HTATIP2: variants seen among roughly 807,000 people sequenced by gnomAD.
HTATIP2 encodes the protein protein HTATIP2.
HTATIP2 carries 26 observed loss-of-function variants against 24.7 expected under a neutral mutation model. That is an observed-to-expected ratio of 1.05 (90% confidence interval 0.77 to 1.46). The LOEUF (loss-of-function observed/expected upper bound fraction) is 1.46. Ranked by LOEUF, HTATIP2 falls within the 40% of genes most tolerant of loss-of-function variation. HTATIP2 has a pLI of 0.00. For missense variants in HTATIP2, 284 were observed against 289.6 expected (o/e 0.98, Z 0.14); for synonymous variants, 99 against 113.2 (o/e 0.87, Z 0.79).
chr11:20,380,438 C>G lies in HTATIP2; in HGVS notation c.442-1740C>G, dbSNP rs914857638. Among the ~76,000 whole-genome samples, 3 of 151,868 alleles carry G rather than the reference C, an allele frequency of 2.0e-5. No homozygotes were observed. In the East Asian group the frequency reaches 5.8e-4, roughly 29 times the overall value. On this transcript the variant is annotated intron_variant, in intron 3 of 4. Transcript: ENST00000451739. ...CTGTAATCCCAGCGCTTTGGGAGGC[C>G]GAGGCGGGCGGATCACGAGGTCAGG...
intron 1 of HTATIP2, 64 bp downstream of exon 1, chr11:20,364,496 C>A: frequency 7.1e-7 from 1 of 1,400,452 alleles, no homozygotes; most frequent in Non-Finnish European, 9.8e-7. Context: ...ATATTTCATG[C>A]CTAAAGGCTG....
At chr11:20,367,314 C>T in intron 2 of HTATIP2, 33 bp downstream of exon 2, 1 of 1,613,460 alleles carries the variant, frequency 6.2e-7, no homozygotes, top group Admixed American at 1.7e-5. Flanking sequence ...TCCCTTTTTG[C>T]TGGCCAGTAA....
Position 20,363,842 on chromosome 11 carries a change from G to A in HTATIP2, c.-396G>A. 1.6e-6 allele frequency: 2 copies of A among 1,245,122 alleles called. No individual in the cohort carries two copies. Among genetic ancestry groups the A allele is most frequent in the African/African-American group, 1.5e-5 (1 of 64,554 alleles). 77.1% of individuals were successfully genotyped at this position (1,245,122 alleles called of 1,614,324 possible). A position where few individuals can be genotyped will look rare whatever the true frequency, so the allele number is the denominator to read the frequency against. On this transcript the variant is annotated 5_prime_UTR_variant, in exon 1 of 5. Transcript: ENST00000451739. ...CGGGCCTGCGGCGCTGAGCGCGGCG[G>A]CGGCGGCTGCTCTGGCGGCCGCCCT...
chr11:20,371,608 T>A (rs2064773089), intron 2 of HTATIP2, among the ~76,000 whole-genome samples: 2 of 151,398 alleles, frequency 1.3e-5, no homozygotes, highest in Admixed American at 6.6e-5. Flanking sequence ...ATTTTTGTAT[T>A]TTTTTTTGTA....
rs2064726581 is a variant in HTATIP2 at position 20,367,742 on chromosome 11, G to A, written c.303+461G>A. 1.2e-5 allele frequency: 10 copies of A among 858,542 alleles called. No homozygotes were observed. The South Asian group carries it at 1.3e-4, about 11-fold the overall frequency. The allele number at this position is 858,542 out of a possible 1,614,324, so 53.2% of individuals were successfully genotyped here. ...GAATAGAACATCAGAACACAGGCAC[G>A]ATTCAACCAGCCTCCAGCGATGACT... On this transcript the variant is annotated intron_variant, in intron 2 of 4. Transcript: ENST00000451739.
At chr11:20,382,544 CA>C (rs1485878179) in intron 4 of HTATIP2, among the ~76,000 whole-genome samples, 2 of 152,146 alleles carry the variant, frequency 1.3e-5, no homozygotes, top group Admixed American at 1.3e-4. Flanking sequence ...AACAGAATAC[CA>C]CACAGATTGG....
intron 2 of HTATIP2, among the ~76,000 whole-genome samples, chr11:20,371,186 G>A (rs1362134166): frequency 1.5e-5 from 2 of 131,220 alleles, no homozygotes; most frequent in African/African-American, 5.7e-5. Flanking sequence ...GGAAAAGTTT[G>A]CCCACCCTTG....
At chr11:20,369,429 G>A (rs1339417806) in intron 2 of HTATIP2, among the ~76,000 whole-genome samples, 2 of 152,202 alleles carry the variant, frequency 1.3e-5, no homozygotes, top group Non-Finnish European at 2.9e-5. Context: ...CTCTGTGTAG[G>A]TGGCTTATTT....
At chr11:20,374,620 C>G (rs1021080879) in intron 2 of HTATIP2, among the ~76,000 whole-genome samples, 5 of 152,138 alleles carry the variant, frequency 3.3e-5, no homozygotes, top group Admixed American at 2.0e-4. Flanking sequence ...CTTTTAAGGG[C>G]CCTTGTGATT....
Position 20,383,391 on chromosome 11 carries a change from T to C in HTATIP2, c.*186T>C, listed in dbSNP as rs548044158. 6 of 546,914 alleles carry C rather than the reference T, an allele frequency of 1.1e-5. No homozygotes were observed. Among genetic ancestry groups the C allele is most frequent in the East Asian group, 3.0e-5 (1 of 33,134 alleles). 33.9% of individuals were successfully genotyped at this position (546,914 alleles called of 1,614,324 possible). On this transcript the variant is annotated 3_prime_UTR_variant, in exon 5 of 5. Coordinates refer to ENST00000451739, the MANE Select transcript of HTATIP2 (RefSeq NM_001098522.2). ...GAGCCTGGTTATACATATAGATCAC[T>C]CAGGGAGCTTTGGAAAAATAAAGAT...
In HTATIP2 at chr11:20,364,101, AG is replaced by A; in HGVS notation, c.-136del. 1 of 1,424,564 alleles carries A rather than the reference AG, an allele frequency of 7.0e-7. No homozygotes were observed. Among genetic ancestry groups the A allele is most frequent in the Admixed American group, 2.7e-5 (1 of 37,610 alleles). The allele number at this position is 1,424,564 out of a possible 1,614,324, so 88.2% of individuals were successfully genotyped here. On this transcript the variant is annotated 5_prime_UTR_variant, in exon 1 of 5. An upstream open reading frame in the 5' UTR loses its in-frame stop. Transcript: ENST00000451739. ...GGGAGCCGCGCCCCGCACGTGACTC[AG>A]CACTTTCCCCAGAGCCCGGACTGCG...
At chr11:20,365,063 A>G (rs952796740) in intron 1 of HTATIP2, among the ~76,000 whole-genome samples, 3 of 149,000 alleles carry the variant, frequency 2.0e-5, no homozygotes, top group African/African-American at 7.5e-5. Flanking sequence ...GGCTCAGTGC[A>G]ACCTCTGCCT....
intron 1 of HTATIP2, among the ~76,000 whole-genome samples, chr11:20,366,737 A>T (rs1293921582): frequency 1.3e-5 from 2 of 152,152 alleles, no homozygotes; most frequent in African/African-American, 4.8e-5. Flanking sequence ...AGCTGAAAAA[A>T]AAAAGCTGTA....
rs867495852 is a variant in HTATIP2 at position 20,367,312 on chromosome 11, T to G, written c.303+31T>G. 4 of 1,613,566 alleles carry G rather than the reference T, an allele frequency of 2.5e-6. No individual in the cohort carries two copies. The African/African-American group carries it at 4.0e-5, about 16-fold the overall frequency. ...GAAGGCATATGCTCTTTTCCCTTTT[T>G]GCTGGCCAGTAATATCAAGGATTCT... On this transcript the variant is annotated intron_variant, in intron 2 of 4. Transcript: ENST00000451739.
intron 2 of HTATIP2, among the ~76,000 whole-genome samples, chr11:20,372,303 C>T (rs1195407177): frequency 6.6e-6 from 1 of 152,144 alleles, no homozygotes; most frequent in Non-Finnish European, 1.5e-5. Flanking sequence ...CACTGAAATA[C>T]TATACCTTGT....
rs557993544 is a variant in HTATIP2 at position 20,364,392 on chromosome 11, G to C, written c.155G>C (p.Arg52Pro). ...TTTTCCAAAGTCACGCTCATTGGCC[G>C]GAGGAAGCTCACCTTCGACGAGGAA... ...GLFSKVTLIG[R>P]RKLTFDEEAY... The change falls in exon 1 of 5, where the codon CGG (arginine) becomes CCG (proline). Residue 52 changes from arginine (R) to proline (P), a missense_variant. Transcript: ENST00000451739. 23 of 1,610,214 alleles carry C rather than the reference G, an allele frequency of 1.4e-5. No individual in the cohort carries two copies. The highest frequency in any genetic ancestry group is 2.0e-5 in the Non-Finnish European group (23 of 1,177,340).
At chr11:20,381,255 A>G (rs1207962884) in intron 3 of HTATIP2, among the ~76,000 whole-genome samples, 1 of 152,098 alleles carries the variant, frequency 6.6e-6, no homozygotes, top group African/African-American at 2.4e-5. Flanking sequence ...CCTGGTCAAC[A>G]TGGTGACAAC....
At chr11:20,381,156 T>C (rs2055244) in intron 3 of HTATIP2, among the ~76,000 whole-genome samples, 131,824 of 152,084 alleles carry the variant, frequency 0.87, 58,058 homozygotes, top group Non-Finnish European at 0.95. Context: ...AAAAAAAGAA[T>C]GGCCAAGCGC....
At position 20,382,172 on chromosome 11, in the gene HTATIP2, TA is replaced by T. The variant is rs1335929481; in HGVS notation, c.442-4del. On this transcript the variant is annotated splice_region_variant and splice_polypyrimidine_tract_variant and intron_variant, in intron 3 of 4. Transcript: ENST00000451739. Reference sequence around the variant, plus strand: ...TAAATACTGAAAATGTGTTTTTTCTTAATAGGGAGAAGTAGAAGCCAAGGTT... The same window carrying T: ...TAAATACTGAAAATGTGTTTTTTCTTATAGGGAGAAGTAGAAGCCAAGGTT... 1 of 1,555,442 alleles carries T rather than the reference TA, an allele frequency of 6.4e-7. No homozygotes were observed. Among genetic ancestry groups the T allele is most frequent in the South Asian group, 1.1e-5 (1 of 89,754 alleles).
Sources: gnomAD v4.1 joint callset for allele counts (sites outside exome capture counted in the v4.1 genomes callset) on GRCh38, gnomAD v4.1.1 for gene constraint, MANE v1.5 for transcripts, NCBI Gene and HGNC (gene_info 2026-07-23, HGNC 2026-07-21) for gene names.